The following CDKN2AIP variants were observed in gnomAD, a reference collection of about 807,000 sequenced individuals.
CDKN2AIP encodes CDKN2A-interacting protein.
A neutral mutation model predicts 44.1 loss-of-function variants in CDKN2AIP; 12 were observed. The ratio of observed to expected loss-of-function variants is 0.27; its 90% CI spans 0.17 to 0.44. The LOEUF (loss-of-function observed/expected upper bound fraction) is 0.44, where lower values mean the gene tolerates loss of function less well. CDKN2AIP is among the 20% of genes least tolerant of loss of function. The pLI, the probability that CDKN2AIP is intolerant of heterozygous loss-of-function variation, is 1.00. For missense variants in CDKN2AIP, 705 were observed against 681.6 expected, an observed-to-expected ratio of 1.03 and a Z score of -0.38; for synonymous variants, 291 against 272.1, an observed-to-expected ratio of 1.07 and a Z score of -0.68.
rs532429689 is a variant in CDKN2AIP at position 183,445,015 on chromosome 4, A to G, written c.218A>G (p.Gln73Arg). 5.0e-6 allele frequency: 8 copies of G among 1,601,424 alleles called. No individual in the cohort carries two copies. Among genetic ancestry groups the G allele is most frequent in the Middle Eastern group, 1.7e-4 (1 of 6,028 alleles). ...AGCGGGACCCGAAACCGGCAGCTGC[A>G]GCAGCTCATCTCCTTTTCCATGGCC... ...AESGTRNRQL[Q>R]QLISFSMAWA... The change falls in exon 1 of 3, where the codon CAG becomes CGG. Residue 73 changes from glutamine (Q) to arginine (R), a missense_variant. By Grantham distance (43) the Gln-to-Arg change is conservative. Coordinates refer to ENST00000504169, the MANE Select transcript of CDKN2AIP (RefSeq NM_017632.4).
In CDKN2AIP at chr4:183,445,652, A is replaced by G; in HGVS notation, c.390A>G (p.Ile130Met). The G allele has an allele frequency of 6.2e-7, 1 of 1,611,090 alleles. No homozygotes were observed. Among genetic ancestry groups the G allele is most frequent in the Non-Finnish European group, 8.5e-7 (1 of 1,177,198 alleles). The stretch of plus-strand genomic sequence containing the variant: ...TTGCCAAGGTGAAGAAAAGAGGGAT[A>G]TCGAGTAGCAATGGTTAGCAGATCA... The part of the protein sequence containing the change: ...ELVAKVKKRG[I>M]SSSNEGVEEP... The change falls in exon 2 of 3, where the codon ATA (isoleucine) becomes ATG (methionine). Residue 130 changes from isoleucine to methionine, a missense_variant. Transcript: ENST00000504169.
rs752852591 is a variant in CDKN2AIP, at chr4:183,445,676, C to G, written c.403+11C>G. The G allele has an allele frequency of 1.2e-6, 2 of 1,602,744 alleles. No individual in the cohort carries two copies. Among genetic ancestry groups the G allele is most frequent in the Non-Finnish European group, 1.7e-6 (2 of 1,169,916 alleles). On this transcript the variant is annotated intron_variant, in intron 2 of 2. Transcript: ENST00000504169. ...TATCGAGTAGCAATGGTTAGCAGAT[C>G]ATAGATGTGAACATACATAGGAGTT...
rs965732693 is a variant in CDKN2AIP, at chr4:183,444,662, C to T, written c.-136C>T. 11 of 804,624 alleles carry T rather than the reference C, an allele frequency of 1.4e-5. No individual in the cohort carries two copies. The highest frequency in any genetic ancestry group is 7.3e-5 in the African/African-American group (4 of 54,852). The allele number at this position is 804,624 out of a possible 1,614,324, so 49.8% of individuals were successfully genotyped here. On this transcript the variant is annotated 5_prime_UTR_variant, in exon 1 of 3. Transcript: ENST00000504169. The stretch of plus-strand genomic sequence containing the variant: ...GTGGGCGGTTCGGCGGCTCTGGGCG[C>T]TGTTGTTTGGTCTTTAGGCCTGCGG...
Position 183,446,798 on chromosome 4 carries a change from G to A in CDKN2AIP, c.1114G>A (p.Ala372Thr), listed in dbSNP as rs758563013. The change falls in exon 3 of 3, where the codon GCT becomes ACT. Residue 372 changes from alanine (A) to threonine (T), a missense_variant. By Grantham distance (58) the Ala-to-Thr change is moderately conservative. Transcript: ENST00000504169. ...STSQVAASLL[A>T]SKSSSQTSGS... ...TTCCCAGGTAGCTGCATCACTACTA[G>A]CTTCCAAGAGCAGCTCCCAGACCAG... 1 of 1,614,126 alleles carries A rather than the reference G, an allele frequency of 6.2e-7. No homozygotes were observed. The highest frequency in any genetic ancestry group is 1.1e-5 in the South Asian group (1 of 91,072).
rs574940357 is a variant in CDKN2AIP, at chr4:183,444,852, G to A, written c.55G>A (p.Val19Met). ...CCAGAACCCGCGGGTGGCAGCCTGG[G>A]TGGAGGCGCTGCGCTGCGACGGCGA... The part of the protein sequence containing the change: ...LSQNPRVAAW[V>M]EALRCDGETD... The change falls in exon 1 of 3, where the codon GTG (valine) becomes ATG (methionine). Residue 19 changes from valine (V) to methionine (M), a missense_variant. Coordinates refer to ENST00000504169, the MANE Select transcript of CDKN2AIP (RefSeq NM_017632.4). The A allele has an allele frequency of 1.3e-6, 2 of 1,576,450 alleles. No homozygotes were observed. Among genetic ancestry groups the A allele is most frequent in the Non-Finnish European group, 1.7e-6 (2 of 1,160,858 alleles).
Position 183,446,372 on chromosome 4 carries a change from G to T in CDKN2AIP, c.688G>T (p.Ala230Ser), listed in dbSNP as rs576415495. The T allele has an allele frequency of 1.2e-6, 2 of 1,611,656 alleles. No homozygotes were observed. Among genetic ancestry groups the T allele is most frequent in the East Asian group, 4.5e-5 (2 of 44,834 alleles). The change falls in exon 3 of 3, where the codon GCT becomes TCT. Residue 230 changes from alanine (A) to serine (S), a missense_variant. Physicochemically the swap from Ala to Ser is moderately conservative, Grantham distance 99 (BLOSUM62 1). Around this residue, in one of 2 missense-constraint regions of CDKN2AIP, gnomAD observed 592 missense variants for 518.0 expected, o/e 1.14. Transcript: ENST00000504169. ...GGTAACAACGGCAGGATCTGGGAAA[G>T]CTTCTGAAGCAGAAGCTCCAGATAA... ...SQVTTAGSGK[A>S]SEAEAPDKHG...
In CDKN2AIP at chr4:183,445,087, C is replaced by T. The variant is rs778675828; in HGVS notation, c.272+18C>T. The T allele has an allele frequency of 1.3e-6, 2 of 1,565,316 alleles. No individual in the cohort carries two copies. The highest frequency in any genetic ancestry group is 4.6e-5 in the East Asian group (2 of 43,752). ...GGGTGCCGGTGAGTGAGGCAGCGTC[C>T]CTAACCAGCACGCCTCGTTTTGTGT... On this transcript the variant is annotated intron_variant, in intron 1 of 2. Coordinates refer to ENST00000504169, the MANE Select transcript of CDKN2AIP (RefSeq NM_017632.4).
intron 2 of CDKN2AIP, 191 bp downstream of exon 2, chr4:183,445,856 G>C: frequency 1.6e-6 from 1 of 640,918 alleles, no homozygotes; most frequent in South Asian, 2.1e-5. Flanking sequence ...TGCTTTGACT[G>C]CTTTAGATTT....
In CDKN2AIP at chr4:183,447,723, A is replaced by G. The variant is rs1016664791; in HGVS notation, c.*296A>G. ...ACGATGTGTAGTTCGGTAGAGTCCTAAAATTTTTGTACTACTTTCAATTTG... is the reference window on the plus strand; with the variant it reads ...ACGATGTGTAGTTCGGTAGAGTCCTGAAATTTTTGTACTACTTTCAATTTG... On this transcript the variant is annotated 3_prime_UTR_variant, in exon 3 of 3. Transcript: ENST00000504169. The G allele has an allele frequency of 3.2e-4, 67 of 206,984 alleles. No homozygotes were observed. The highest frequency in any genetic ancestry group is 1.5e-3 in the African/African-American group (64 of 43,604). 12.8% of individuals were successfully genotyped at this position (206,984 alleles called of 1,614,324 possible). A position where few individuals can be genotyped will look rare whatever the true frequency, so the allele number is the denominator to read the frequency against.
intron 2 of CDKN2AIP, 84 bp from the exon 3 acceptor site, chr4:183,446,004 C>A: frequency 2.7e-6 from 3 of 1,098,224 alleles, no homozygotes; most frequent in Non-Finnish European, 4.0e-6. Context: ...TCACTTTGTG[C>A]CTTTATTTTA....
Position 183,446,583 on chromosome 4 carries a change from A to G in CDKN2AIP, c.899A>G (p.Glu300Gly). 1 of 1,614,206 alleles carries G rather than the reference A, an allele frequency of 6.2e-7. No individual in the cohort carries two copies. Among genetic ancestry groups the G allele is most frequent in the Non-Finnish European group, 8.5e-7 (1 of 1,180,006 alleles). The stretch of plus-strand genomic sequence containing the variant: ...TTGTTGGGCTCCTCAGGAAGCTCAG[A>G]GGTAGAATTGCCACTATTGTCTTCC... The part of the protein sequence containing the change: ...VPLLGSSGSS[E>G]VELPLLSSKP... Residue 300 changes from glutamate to glycine, a missense_variant, in exon 3 of 3, where the codon GAG becomes GGG. Physicochemically the swap from Glu to Gly is moderately conservative, Grantham distance 98. Coordinates refer to ENST00000504169, the MANE Select transcript of CDKN2AIP (RefSeq NM_017632.4).
rs775441345 is a variant in CDKN2AIP, at chr4:183,446,306, C to G, written c.622C>G (p.Arg208Gly). The G allele has an allele frequency of 3.1e-6, 5 of 1,614,122 alleles. No individual in the cohort carries two copies. The highest frequency in any genetic ancestry group is 3.4e-6 in the Non-Finnish European group (4 of 1,179,982). Residue 208 changes from arginine (R) to glycine (G), a missense_variant, in exon 3 of 3, where the codon CGA becomes GGA. Arg to Gly is a moderately radical substitution (Grantham distance 125). Around this residue, in one of 2 missense-constraint regions of CDKN2AIP, gnomAD observed 592 missense variants for 518.0 expected, o/e 1.14. Transcript: ENST00000504169. Reference protein sequence around the residue: ...SQNSSTSDGDRSVSSQSSSSV... With the variant: ...SQNSSTSDGDGSVSSQSSSSV... ...GAATAGCTCTACAAGTGATGGAGAT[C>G]GATCTGTTTCCAGCCAAAGCAGCAG...
At position 183,446,332 on chromosome 4, in the gene CDKN2AIP, C is replaced by A. The variant is rs977726997; in HGVS notation, c.648C>A (p.Ser216Arg). ...GATCTGTTTCCAGCCAAAGCAGCAG[C>A]AGCGTTTCCTCTCAGGTAACAACGG... ...GDRSVSSQSSSSVSSQVTTAG... is the reference protein window; with the variant it reads ...GDRSVSSQSSRSVSSQVTTAG... Residue 216 changes from serine (S) to arginine (R), a missense_variant, in exon 3 of 3, where the codon AGC becomes AGA. Ser to Arg is a moderately radical substitution (Grantham distance 110). Around this residue, in one of 2 missense-constraint regions of CDKN2AIP, gnomAD observed 592 missense variants for 518.0 expected, o/e 1.14. Coordinates refer to ENST00000504169, the MANE Select transcript of CDKN2AIP (RefSeq NM_017632.4). 6 of 1,614,048 alleles carry A rather than the reference C, an allele frequency of 3.7e-6. No homozygotes were observed. The African/African-American group carries it at 6.7e-5, about 18-fold the overall frequency.
rs1011701181 is a variant in CDKN2AIP at position 183,448,436 on chromosome 4, G to A, written c.*1009G>A. On this transcript the variant is annotated 3_prime_UTR_variant, in exon 3 of 3. Transcript: ENST00000504169. ...AGAATACCGGAAAGAACAGAGAGCC[G>A]TGTTCAGCTCTTGATAATGAGCCTA... Among the ~76,000 whole-genome samples the A allele has an allele frequency of 2.0e-5, 3 of 152,120 alleles. No individual in the cohort carries two copies. The highest frequency in any genetic ancestry group is 1.9e-4 in the East Asian group (1 of 5,194).
At position 183,444,782 on chromosome 4, in the gene CDKN2AIP, G is replaced by A; in HGVS notation, c.-16G>A. ...TGTCTCCCGGTGCAGCTGTGTTCGC[G>A]GCCTGCAGGCCCAACATGGCGCAGG... On this transcript the variant is annotated 5_prime_UTR_variant, in exon 1 of 3. Coordinates refer to ENST00000504169, the MANE Select transcript of CDKN2AIP (RefSeq NM_017632.4). The A allele has an allele frequency of 6.6e-7, 1 of 1,511,582 alleles. No individual in the cohort carries two copies. The highest frequency in any genetic ancestry group is 1.2e-5 in the South Asian group (1 of 80,308). 93.6% of individuals were successfully genotyped at this position (1,511,582 alleles called of 1,614,324 possible).
rs141991851 is a variant in CDKN2AIP, at chr4:183,446,920, A to G, written c.1236A>G (p.Lys412=). ...SQTSTSQLPS[K]STSQSSESSV... ...CTAGCACCTCACAGTTGCCTTCTAAAAGTACTTCACAGTCAAGTGAGAGTT... is the reference window on the plus strand; with the variant it reads ...CTAGCACCTCACAGTTGCCTTCTAAGAGTACTTCACAGTCAAGTGAGAGTT... The change falls in exon 3 of 3, where the codon AAA becomes AAG. Residue 412 remains lysine (K), a synonymous_variant. Transcript: ENST00000504169. 381 of 1,614,088 alleles carry G rather than the reference A, an allele frequency of 2.4e-4. No individual in the cohort carries two copies. The highest frequency in any genetic ancestry group is 3.1e-4 in the Non-Finnish European group (365 of 1,180,046).
At position 183,447,103 on chromosome 4, in the gene CDKN2AIP, T is replaced by C; in HGVS notation, c.1419T>C (p.Ala473=). 2 of 1,614,016 alleles carry C rather than the reference T, an allele frequency of 1.2e-6. No individual in the cohort carries two copies. The highest frequency in any genetic ancestry group is 1.7e-6 in the Non-Finnish European group (2 of 1,179,862). ...AGCTCCTAAATGCAGCTATTGAGGC[T>C]CTGAAAGCAACACTGGATGTATTTT... ...HGELLNAAIE[A]LKATLDVFFV... Residue 473 remains alanine, a synonymous_variant, in exon 3 of 3, where the codon GCT becomes GCC. Transcript: ENST00000504169.
In CDKN2AIP at chr4:183,447,418, A is replaced by G. The variant is rs576350797; in HGVS notation, c.1734A>G (p.Glu578=). ...CTCCAGCACTAAAACATCCTCAAGA[A>G]TTACTATAATGTGTCCAAAATATCA... ...NLPPALKHPQ[E]LL is the part of the protein sequence containing the mutation. Residue 578 remains glutamate (E), a synonymous_variant, in exon 3 of 3, where the codon GAA becomes GAG. Coordinates refer to ENST00000504169, the MANE Select transcript of CDKN2AIP (RefSeq NM_017632.4). 1.8e-4 allele frequency: 271 copies of G among 1,531,276 alleles called. 4 individuals carry two copies. The South Asian group carries it at 3.4e-3, about 19-fold the overall frequency. 94.9% of individuals were successfully genotyped at this position (1,531,276 alleles called of 1,614,324 possible). A position where few individuals can be genotyped will look rare whatever the true frequency, so the allele number is the denominator to read the frequency against.
rs1733737428 is a variant in CDKN2AIP at position 183,448,824 on chromosome 4, A to G, written c.*1397A>G. On this transcript the variant is annotated 3_prime_UTR_variant, in exon 3 of 3. Transcript: ENST00000504169. ...TTACATAATCAGATGTTTTAATTTT[A>G]CCATATAACCTTTAAAAATGATTCA... 1.3e-5 allele frequency among the ~76,000 whole-genome samples: 2 copies of G among 152,148 alleles called. No homozygotes were observed. The highest frequency in any genetic ancestry group is 2.9e-5 in the Non-Finnish European group (2 of 67,996).
Sources: gnomAD v4.1 joint callset for allele counts (sites outside exome capture counted in the v4.1 genomes callset) on GRCh38, gnomAD v4.1.1 for gene constraint, gnomAD v4.1.1 regional missense constraint, MANE v1.5 for transcripts, NCBI Gene and HGNC (gene_info 2026-07-23, HGNC 2026-07-21) for gene names.